Variants in MAN1A2 observed in about 807,000 individuals in gnomAD.
MAN1A2 encodes the protein mannosyl-oligosaccharide 1,2-alpha-mannosidase IB.
A neutral mutation model predicts 75.7 loss-of-function variants in MAN1A2; 26 were observed. That is an observed-to-expected ratio of 0.34 (90% CI 0.25 to 0.48). The LOEUF (loss-of-function observed/expected upper bound fraction) is 0.48, where lower values mean the gene tolerates loss of function less well. MAN1A2 is among the 20% of genes least tolerant of loss of function. MAN1A2 has a pLI of 0.99. For missense variants in MAN1A2, 562 were observed against 775.5 expected (o/e 0.72, Z 3.27); for synonymous variants, 247 against 264.6 (o/e 0.93, Z 0.65).
chr1:117,482,165 A>G (rs1650518858), intron 8 of MAN1A2, among the ~76,000 whole-genome samples: 1 of 151,676 alleles, frequency 6.6e-6, no homozygotes, highest in South Asian at 2.1e-4. Flanking sequence ...GTACCCATCA[A>G]CTCATCATTT....
Position 117,493,134 on chromosome 1 carries a change from T to C in MAN1A2, c.1169-13T>C. 5 of 1,452,708 alleles carry C rather than the reference T, an allele frequency of 3.4e-6. No homozygotes were observed. Among genetic ancestry groups the C allele is most frequent in the Non-Finnish European group, 4.8e-6 (5 of 1,034,016 alleles). The allele number at this position is 1,452,708 out of a possible 1,614,324, so 90.0% of individuals were successfully genotyped here. On this transcript the variant is annotated splice_polypyrimidine_tract_variant and intron_variant, in intron 8 of 12. Coordinates refer to ENST00000356554, the MANE Select transcript of MAN1A2 (RefSeq NM_006699.5). ...CCTTTACCTCTATCCTTCTGTTTTC[T>C]CCTTTGTTACAGATCATACATCTGT...
At chr1:117,377,733 C>T (rs921995757) in intron 1 of MAN1A2, among the ~76,000 whole-genome samples, 1 of 152,148 alleles carries the variant, frequency 6.6e-6, no homozygotes, top group African/African-American at 2.4e-5. Flanking sequence ...TGGTTACTCC[C>T]AAAAGCACCA....
Position 117,523,173 on chromosome 1 carries a change from G to T in MAN1A2, c.*216G>T. ...AACATGTTCTGATATGTGTAGGACA[G>T]AGACCTGGATGTGCTTTGATCGTTA... On this transcript the variant is annotated 3_prime_UTR_variant, in exon 13 of 13. Coordinates refer to ENST00000356554, the MANE Select transcript of MAN1A2 (RefSeq NM_006699.5). The T allele has an allele frequency of 1.5e-6, 1 of 669,810 alleles. No homozygotes were observed. The allele number at this position is 669,810 out of a possible 1,614,324, so 41.5% of individuals were successfully genotyped here.
intron 3 of MAN1A2, 26 bp downstream of exon 3, chr1:117,405,671 T>C (rs1264997430): frequency 1.6e-6 from 2 of 1,249,126 alleles, no homozygotes; most frequent in South Asian, 2.5e-5. Flanking sequence ...CTAATTACTA[T>C]TTCCATTTTC....
intron 1 of MAN1A2, among the ~76,000 whole-genome samples, chr1:117,387,352 T>C (rs770488745): frequency 6.6e-6 from 1 of 152,154 alleles, no homozygotes; most frequent in Non-Finnish European, 1.5e-5. Flanking sequence ...CTTTCAGCAG[T>C]CTTTGTGTAG....
chr1:117,481,271 T>C (rs1462676354), intron 8 of MAN1A2, among the ~76,000 whole-genome samples: 1 of 151,984 alleles, frequency 6.6e-6, no homozygotes, highest in South Asian at 2.1e-4. Flanking sequence ...CATAGATTCC[T>C]TCTGGCAAAT....
chr1:117,368,509 G>A, intron 1 of MAN1A2, 24 bp downstream of exon 1: 1 of 1,569,588 alleles, frequency 6.4e-7, no homozygotes, highest in Non-Finnish European at 8.6e-7. Context: ...AGAAGTTCTG[G>A]TACTAACATT....
At chr1:117,455,493 G>A (rs375761644) in intron 6 of MAN1A2, among the ~76,000 whole-genome samples, 3 of 152,024 alleles carry the variant, frequency 2.0e-5, no homozygotes, top group Admixed American at 6.6e-5. Context: ...TAAATTATAC[G>A]TCAGTATATA....
chr1:117,456,214 C>T (rs1649577420), intron 6 of MAN1A2, among the ~76,000 whole-genome samples: 1 of 151,994 alleles, frequency 6.6e-6, no homozygotes, highest in Non-Finnish European at 1.5e-5. Context: ...AGAGTAAGGT[C>T]ATTTGTTAAG....
intron 6 of MAN1A2, among the ~76,000 whole-genome samples, chr1:117,442,884 T>C (rs988222367): frequency 1.3e-5 from 2 of 152,178 alleles, no homozygotes; most frequent in Non-Finnish European, 2.9e-5. Context: ...TTATAATCTG[T>C]TTTCTAATCG....
intron 7 of MAN1A2, 57 bp from the exon 8 acceptor site, chr1:117,466,277 C>A: frequency 8.6e-7 from 1 of 1,162,966 alleles, no homozygotes; most frequent in Non-Finnish European, 1.3e-6. Context: ...TACATTAAAA[C>A]CAAGCCTTGA....
At chr1:117,501,639 C>T (rs985769595) in intron 11 of MAN1A2, among the ~76,000 whole-genome samples, 2 of 151,810 alleles carry the variant, frequency 1.3e-5, no homozygotes, top group Non-Finnish European at 2.9e-5. Context: ...TACTTAAAAA[C>T]TCTTGTATCC....
chr1:117,431,210 A>AGGGAGAGGGG (rs1648644798), intron 5 of MAN1A2, among the ~76,000 whole-genome samples: 1 of 2,440 alleles, frequency 4.1e-4, no homozygotes, highest in Admixed American at 4.5e-3. Flanking sequence ...GGGGAGGGGG[A>AGGGAGAGGGG]GGGGGAGGGG....
chr1:117,500,400 A>G (rs1482666647), intron 11 of MAN1A2, among the ~76,000 whole-genome samples: 1 of 151,946 alleles, frequency 6.6e-6, no homozygotes, highest in Non-Finnish European at 1.5e-5. Context: ...TCTACCTGCA[A>G]AAGCTCCTTG....
intron 5 of MAN1A2, among the ~76,000 whole-genome samples, chr1:117,435,863 G>A (rs1379277831): frequency 2.0e-5 from 3 of 152,136 alleles, no homozygotes; most frequent in Non-Finnish European, 4.4e-5. Flanking sequence ...TTTGAGACCA[G>A]CCTGGCCAGC....
chr1:117,458,637 C>T (rs550912302), intron 6 of MAN1A2, among the ~76,000 whole-genome samples: 1 of 150,848 alleles, frequency 6.6e-6, no homozygotes, highest in South Asian at 2.1e-4. Context: ...GATTCTCCTG[C>T]CTCAGCCTCC....
chr1:117,416,122 AT>A (rs140783195), intron 4 of MAN1A2, among the ~76,000 whole-genome samples: 17,148 of 151,914 alleles, frequency 0.11, 1,060 homozygotes, highest in Non-Finnish European at 0.14. Flanking sequence ...ATGGAATTGA[AT>A]TTTTTTTAAT....
At chr1:117,464,163 C>T (rs1251683884) in intron 7 of MAN1A2, among the ~76,000 whole-genome samples, 3 of 151,312 alleles carry the variant, frequency 2.0e-5, no homozygotes, top group Non-Finnish European at 4.4e-5. Context: ...CTCAGGAATT[C>T]GAGACAAGCC....
intron 9 of MAN1A2, chr1:117,494,152 G>A (rs1477160932): frequency 6.6e-6 from 1 of 152,036 alleles, no homozygotes; most frequent in East Asian, 1.9e-4. Context: ...TGAACAGTCT[G>A]GCTGCCGAGC....
Sources: allele counts gnomAD v4.1 joint callset (sites outside exome capture counted in the v4.1 genomes callset), GRCh38; gene constraint gnomAD v4.1.1; transcripts MANE v1.5; gene names NCBI Gene and HGNC (gene_info 2026-07-23, HGNC 2026-07-21).